SERPINE2: variants seen among roughly 807,000 people sequenced by gnomAD.
SERPINE2 encodes glia-derived nexin.
In SERPINE2, 14 loss-of-function variants were observed where a neutral mutation model predicts 36.3. That is an observed-to-expected ratio of 0.39 (90% CI 0.25 to 0.60). SERPINE2 has a LOEUF of 0.60. Among genes scored for constraint, SERPINE2 ranks in the 20% least tolerant of loss-of-function variants. The probability of loss-of-function intolerance (pLI) is 0.57; values close to 1 mark genes in which losing one functional copy is unlikely to be tolerated. For missense variants in SERPINE2, 418 were observed against 499.6 expected, an observed-to-expected ratio of 0.84 and a Z score of 1.56; for synonymous variants, 192 against 191.8, an observed-to-expected ratio of 1.00 and a Z score of -0.01.
chr2:224,034,941 T>C (rs1023745375), intron 1 of SERPINE2, among the ~76,000 whole-genome samples: 1 of 152,216 alleles, frequency 6.6e-6, no homozygotes, highest in African/African-American at 2.4e-5. Flanking sequence ...TGTATAAAGA[T>C]AGCGGAGAGC....
At chr2:224,005,054 T>TA (rs1463665813) in intron 1 of SERPINE2, among the ~76,000 whole-genome samples, 2 of 25,840 alleles carry the variant, frequency 7.7e-5, no homozygotes, top group Non-Finnish European at 1.8e-4. Flanking sequence ...ATTTTATATA[T>TA]TTTATATATA....
intron 1 of SERPINE2, chr2:224,038,619 C>T (rs1429016830): frequency 4.3e-6 from 4 of 938,720 alleles, no homozygotes; most frequent in Non-Finnish European, 6.8e-6. Flanking sequence ...GCGTCACCTC[C>T]CTCTGCCCAG....
intron 3 of SERPINE2, 32 bp downstream of exon 3, chr2:223,998,083 A>G (rs1372455846): frequency 1.3e-6 from 2 of 1,537,468 alleles, no homozygotes; most frequent in East Asian, 2.2e-5. Context: ...TTCACAAACT[A>G]TGCAATCAAA....
intron 3 of SERPINE2, among the ~76,000 whole-genome samples, chr2:223,997,147 A>T (rs1374935629): frequency 6.6e-6 from 1 of 152,132 alleles, no homozygotes; most frequent in Non-Finnish European, 1.5e-5. Context: ...GTTGTTCCAG[A>T]CCTACAGCTC....
intron 4 of SERPINE2, 148 bp downstream of exon 4, chr2:223,991,655 T>C (rs1427023023): frequency 1.3e-6 from 1 of 775,040 alleles, no homozygotes. Context: ...ATGAGCTTTA[T>C]AAAAATCCTG....
intron 1 of SERPINE2, among the ~76,000 whole-genome samples, chr2:224,033,662 C>A (rs371402729): frequency 5.5e-3 from 692 of 126,162 alleles, no homozygotes; most frequent in South Asian, 5.7e-3. Context: ...AGTTCCATGG[C>A]AAAAAAAAAA....
chr2:224,029,847 C>G (rs372241811), intron 1 of SERPINE2, among the ~76,000 whole-genome samples: 3 of 152,112 alleles, frequency 2.0e-5, no homozygotes, highest in African/African-American at 7.2e-5. Flanking sequence ...TACGGGCGTG[C>G]GTCACCATGC....
intron 1 of SERPINE2, among the ~76,000 whole-genome samples, chr2:224,024,676 G>A (rs1692124562): frequency 6.6e-6 from 1 of 152,166 alleles, no homozygotes; most frequent in Admixed American, 6.5e-5. Flanking sequence ...GCTGCTATGA[G>A]GATTACGCGA....
intron 2 of SERPINE2, among the ~76,000 whole-genome samples, chr2:223,998,818 G>C (rs1190160905): frequency 1.3e-5 from 2 of 152,170 alleles, no homozygotes; most frequent in Non-Finnish European, 2.9e-5. Flanking sequence ...AGGAGGGAGT[G>C]GGGTTAAAGT....
chr2:224,031,587 G>T, intron 1 of SERPINE2: 2 of 754,570 alleles, frequency 2.7e-6, no homozygotes, highest in Non-Finnish European at 3.2e-6. Flanking sequence ...GCCAATCACA[G>T]GACCTCACTC....
chr2:223,984,838 A>C lies in SERPINE2; in HGVS notation c.798T>G (p.Ser266=). The change falls in exon 5 of 9, where the codon TCT becomes TCG. Residue 266 remains serine, a synonymous_variant. Coordinates refer to ENST00000409304, the MANE Select transcript of SERPINE2 (RefSeq NM_001136528.2). ...TGGTGCTGATGTGTGGGATGATGGC[A>C]GACAGCGGAGTGGAGCTCTCAGTCG... ...ALPTESSTPL[S]AIIPHISTKT... 1 of 1,614,126 alleles carries C rather than the reference A, an allele frequency of 6.2e-7. No individual in the cohort carries two copies. Among genetic ancestry groups the C allele is most frequent in the Non-Finnish European group, 8.5e-7 (1 of 1,180,026 alleles).
chr2:224,007,915 G>A (rs1045334160), intron 1 of SERPINE2, among the ~76,000 whole-genome samples: 1 of 152,228 alleles, frequency 6.6e-6, no homozygotes, highest in South Asian at 2.1e-4. Context: ...TAGAGCAGGG[G>A]TCTGCAAGCT....
At chr2:223,991,680 G>C (rs1365913382) in intron 4 of SERPINE2, 123 bp downstream of exon 4, 9 of 1,002,550 alleles carry the variant, frequency 9.0e-6, no homozygotes, top group African/African-American at 1.6e-5. Flanking sequence ...TCAGCACCCT[G>C]CTCTGTTCCC....
In SERPINE2 at chr2:224,031,513, C is replaced by T. The variant is rs1692367511; in HGVS notation, c.-23+7586G>A. ...ATTTGGGATTCAGCCAATCATAGAA[C>T]CTCCCTCCTCCGCCCACAGCCATTG... On this transcript the variant is annotated intron_variant, in intron 1 of 8. Transcript: ENST00000409304. 3 of 985,582 alleles carry T rather than the reference C, an allele frequency of 3.0e-6. No homozygotes were observed. In the South Asian group the frequency reaches 1.4e-4, roughly 46 times the overall value. The allele number at this position is 985,582 out of a possible 1,614,324, so 61.1% of individuals were successfully genotyped here.
chr2:224,037,251 T>C (rs182687444), intron 1 of SERPINE2, among the ~76,000 whole-genome samples: 64 of 152,272 alleles, frequency 4.2e-4, no homozygotes, highest in African/African-American at 1.4e-3. Context: ...GAGGAGATAC[T>C]TATGACCTCT....
intron 8 of SERPINE2, 79 bp from the exon 9 acceptor site, chr2:223,975,983 G>C (rs901248030): frequency 3.0e-6 from 4 of 1,345,286 alleles, no homozygotes; most frequent in African/African-American, 1.5e-5. Context: ...TTCTATTTAA[G>C]GGAAGGGAAA....
At chr2:223,984,127 G>A (rs1029887706) in intron 5 of SERPINE2, among the ~76,000 whole-genome samples, 35 of 152,032 alleles carry the variant, frequency 2.3e-4, no homozygotes, top group Admixed American at 2.1e-3. Context: ...CAGCAATGTT[G>A]AAAAGTTCAT....
chr2:223,984,986 T>C (rs1403077757), intron 4 of SERPINE2, 36 bp from the exon 5 acceptor site: 10 of 1,597,982 alleles, frequency 6.3e-6, no homozygotes, highest in African/African-American at 2.7e-5. Flanking sequence ...TGTATCCTTG[T>C]TGACTTCTAG....
At chr2:224,004,583 C>T (rs1691320920) in intron 1 of SERPINE2, among the ~76,000 whole-genome samples, 1 of 152,118 alleles carries the variant, frequency 6.6e-6, no homozygotes. Context: ...TGGAGAGCGT[C>T]CAAATCATGA....
Sources: gnomAD v4.1 joint callset for allele counts (sites outside exome capture counted in the v4.1 genomes callset) on GRCh38, gnomAD v4.1.1 for gene constraint, MANE v1.5 for transcripts, NCBI Gene and HGNC (gene_info 2026-07-23, HGNC 2026-07-21) for gene names.